LAMA2: variants seen among roughly 807,000 people sequenced by gnomAD.
LAMA2 encodes the protein laminin subunit alpha-2.
In LAMA2, 269 loss-of-function variants were observed where a neutral mutation model predicts 364.8. The ratio of observed to expected loss-of-function variants is 0.74; its 90% CI spans 0.67 to 0.82. The LOEUF (loss-of-function observed/expected upper bound fraction) is 0.82, where lower values mean the gene tolerates loss of function less well. Among genes scored for constraint, LAMA2 ranks in the 40% least tolerant of loss-of-function variants. LAMA2 has a pLI of 0.00. For synonymous variants in LAMA2, 1,379 were observed against 1,370.6 expected (o/e 1.01, Z -0.14); for missense variants, 3,807 against 3,873.2 (o/e 0.98, Z 0.45).
intron 1 of LAMA2, among the ~76,000 whole-genome samples, chr6:129,032,334 G>A (rs551324521): frequency 9.2e-5 from 14 of 152,242 alleles, no homozygotes; most frequent in African/African-American, 2.2e-4. Context: ...CAGAATTAGG[G>A]GCTGTAATGA....
intron 33 of LAMA2, among the ~76,000 whole-genome samples, chr6:129,368,275 G>A (rs1777884098): frequency 6.6e-6 from 1 of 152,234 alleles, no homozygotes; most frequent in Admixed American, 6.5e-5. Context: ...TGAGGACACA[G>A]GGAGAAGGCA....
chr6:128,958,360 T>G (rs1194918333), intron 1 of LAMA2, among the ~76,000 whole-genome samples: 1 of 152,122 alleles, frequency 6.6e-6, no homozygotes, highest in Non-Finnish European at 1.5e-5. Flanking sequence ...TCTAGATTTA[T>G]TTTAAAGGCA....
chr6:128,893,607 A>T (rs943432992), intron 1 of LAMA2, among the ~76,000 whole-genome samples: 10 of 151,982 alleles, frequency 6.6e-5, no homozygotes, highest in African/African-American at 2.4e-4. Context: ...ACAAGTAGCA[A>T]AGAGTAAGTA....
chr6:129,059,785 G>A lies in LAMA2; in HGVS notation c.285G>A (p.Gln95=), dbSNP rs779996812. 4 of 1,579,216 alleles carry A rather than the reference G, an allele frequency of 2.5e-6. No individual in the cohort carries two copies. Among genetic ancestry groups the A allele is most frequent in the African/African-American group, 2.7e-5 (2 of 74,140 alleles). Reference sequence around the variant, plus strand: ...CATATGATGCTGCTAACTCAATAGAGAGACACCCGATTACAAATGCTATTG... The same window carrying A: ...CATATGATGCTGCTAACTCAATAGAAAGACACCCGATTACAAATGCTATTG... The part of the protein sequence containing the change: ...ICNQNSSNPN[Q]RHPITNAIDG... Residue 95 remains glutamine, a splice_region_variant and synonymous_variant, in exon 3 of 65, where the codon CAG becomes CAA. Transcript: ENST00000421865.
chr6:129,236,380 G>C (rs140787764), intron 12 of LAMA2, among the ~76,000 whole-genome samples: 1 of 151,788 alleles, frequency 6.6e-6, no homozygotes, highest in East Asian at 1.9e-4. Context: ...ATCTGGTTTC[G>C]GCAGTGCTGG....
At position 129,445,828 on chromosome 6, in the gene LAMA2, TC is replaced by T; in HGVS notation, c.6429+8del. The T allele has an allele frequency of 3.7e-6, 6 of 1,610,496 alleles. No homozygotes were observed. The highest frequency in any genetic ancestry group is 5.1e-6 in the Non-Finnish European group (6 of 1,176,874). On this transcript the variant is annotated splice_region_variant and intron_variant, in intron 45 of 64. Coordinates refer to ENST00000421865, the MANE Select transcript of LAMA2 (RefSeq NM_000426.4). ...TCGGAAACAAGCCAATTCTGTAAGT[TC>T]TTTTTATCGTCAGTATCAGTAACTG... is the stretch of plus-strand genomic sequence containing the variant.
intron 1 of LAMA2, among the ~76,000 whole-genome samples, chr6:128,900,768 G>A (rs563749236): frequency 2.6e-5 from 4 of 152,128 alleles, no homozygotes; most frequent in Non-Finnish European, 5.9e-5. Flanking sequence ...GGATAAGATT[G>A]CCTCTTTACT....
chr6:129,138,765 A>G (rs1393478015), intron 4 of LAMA2, among the ~76,000 whole-genome samples: 1 of 152,142 alleles, frequency 6.6e-6, no homozygotes, highest in Non-Finnish European at 1.5e-5. Flanking sequence ...AAAGCTACTG[A>G]CAATTCATAA....
At chr6:129,409,419 G>A (rs1227159969) in intron 40 of LAMA2, among the ~76,000 whole-genome samples, 1 of 152,178 alleles carries the variant, frequency 6.6e-6, no homozygotes, top group East Asian at 1.9e-4. Flanking sequence ...GTGCCTTTAG[G>A]ACTGGCTCGA....
At chr6:129,453,229 A>G (rs1457595126) in intron 46 of LAMA2, 98 bp downstream of exon 46, 1 of 1,166,246 alleles carries the variant, frequency 8.6e-7, no homozygotes, top group Admixed American at 1.7e-5. Context: ...ATGGTCCCCA[A>G]ATGGTCTAAC....
intron 3 of LAMA2, among the ~76,000 whole-genome samples, chr6:129,062,150 C>T (rs1389304235): frequency 3.9e-5 from 6 of 152,158 alleles, no homozygotes; most frequent in African/African-American, 1.2e-4. Context: ...AATACTTATT[C>T]AGCTATGGAT....
chr6:129,394,185 A>G (rs1283919807), intron 37 of LAMA2, among the ~76,000 whole-genome samples: 1 of 152,224 alleles, frequency 6.6e-6, no homozygotes, highest in Non-Finnish European at 1.5e-5. Flanking sequence ...CTCCCCAGAG[A>G]CAAATTTACC....
At chr6:128,902,208 A>G (rs1055857762) in intron 1 of LAMA2, among the ~76,000 whole-genome samples, 3 of 152,196 alleles carry the variant, frequency 2.0e-5, no homozygotes, top group African/African-American at 4.8e-5. Flanking sequence ...GGGGATTACA[A>G]TTTGGATTAC....
At position 129,401,320 on chromosome 6, in the gene LAMA2, G is replaced by T. The variant is rs866002528; in HGVS notation, c.5542G>T (p.Glu1848Ter). 1 of 1,599,846 alleles carries T rather than the reference G, an allele frequency of 6.3e-7. No individual in the cohort carries two copies. Among genetic ancestry groups the T allele is most frequent in the Admixed American group, 1.7e-5 (1 of 60,004 alleles). Residue 1848 changes from glutamate (E) to a stop codon, truncating the protein, a stop_gained, in exon 38 of 65, where the codon GAA becomes TAA. Coordinates refer to ENST00000421865, the MANE Select transcript of LAMA2 (RefSeq NM_000426.4). LOFTEE classifies it high-confidence loss of function. ...CGATGAAGCCAACCGTCTTGCAGATGAAATCAACTCCATCATAGACGTGAG... is the reference window on the plus strand; with the variant it reads ...CGATGAAGCCAACCGTCTTGCAGATTAAATCAACTCCATCATAGACGTGAG... ...ILDEANRLAD[E>*]INSIIDYVED...
At position 129,231,954 on chromosome 6, in the gene LAMA2, A is replaced by G. The variant is rs1026721377; in HGVS notation, c.1783-18158A>G. Among the ~76,000 whole-genome samples, 3 of 152,254 alleles carry G rather than the reference A, an allele frequency of 2.0e-5. No homozygotes were observed. In the South Asian group the frequency reaches 6.2e-4, roughly 32 times the overall value. On this transcript the variant is annotated intron_variant, in intron 12 of 64. Coordinates refer to ENST00000421865, the MANE Select transcript of LAMA2 (RefSeq NM_000426.4). Reference sequence around the variant, plus strand: ...TTCAACCTCTATGTAGTTACTATCAATATAGCCATGCAATATATATGGAGT... The same window carrying G: ...TTCAACCTCTATGTAGTTACTATCAGTATAGCCATGCAATATATATGGAGT...
At chr6:128,986,160 A>G (rs1275385896) in intron 1 of LAMA2, among the ~76,000 whole-genome samples, 1 of 152,122 alleles carries the variant, frequency 6.6e-6, no homozygotes, top group Non-Finnish European at 1.5e-5. Flanking sequence ...TCAATAATCA[A>G]ATTGTCTCAT....
chr6:129,102,199 G>A (rs915548765), intron 4 of LAMA2, among the ~76,000 whole-genome samples: 6 of 148,048 alleles, frequency 4.1e-5, no homozygotes, highest in Non-Finnish European at 8.9e-5. Flanking sequence ...CGCCATCTCA[G>A]CTCACTGTAA....
intron 10 of LAMA2, among the ~76,000 whole-genome samples, chr6:129,182,944 A>G (rs1583204426): frequency 2.0e-5 from 3 of 152,048 alleles, no homozygotes; most frequent in Admixed American, 2.0e-4. Flanking sequence ...AATGTAAAAA[A>G]GAATTCCAGA....
intron 20 of LAMA2, among the ~76,000 whole-genome samples, chr6:129,297,258 A>G (rs138599506): frequency 1.1e-4 from 16 of 152,342 alleles, no homozygotes; most frequent in African/African-American, 3.6e-4. Flanking sequence ...CTGCTGGTCA[A>G]TAATGTTGAA....
Sources: gnomAD v4.1 joint callset for allele counts (sites outside exome capture counted in the v4.1 genomes callset) on GRCh38, gnomAD v4.1.1 for gene constraint, MANE v1.5 for transcripts, NCBI Gene and HGNC (gene_info 2026-07-23, HGNC 2026-07-21) for gene names.